THSD7B: variants seen among roughly 807,000 people sequenced by gnomAD.
The protein encoded by THSD7B is thrombospondin type-1 domain-containing protein 7B.
In THSD7B, 138 loss-of-function variants were observed where a neutral mutation model predicts 213.6. The observed-to-expected ratio is 0.65, with a 90% CI of 0.56 to 0.74. The LOEUF is 0.74. Ranked by LOEUF, THSD7B falls within the 30% of genes least tolerant of loss-of-function variation. THSD7B has a pLI of 0.00. For missense variants in THSD7B, 1,931 were observed against 1,991.5 expected (o/e 0.97, Z 0.58); for synonymous variants, 742 against 687.0 (o/e 1.08, Z -1.25).
At chr2:137,416,440 T>A (rs1686801059) in intron 14 of THSD7B, among the ~76,000 whole-genome samples, 1 of 152,222 alleles carries the variant, frequency 6.6e-6, no homozygotes, top group Admixed American at 6.5e-5. Flanking sequence ...TTTCTTCCGC[T>A]CTTGTGTTTT....
chr2:137,200,446 T>G (rs993683984), intron 7 of THSD7B, among the ~76,000 whole-genome samples: 2 of 151,962 alleles, frequency 1.3e-5, no homozygotes, highest in Admixed American at 1.3e-4. Context: ...TTTTTTTTAA[T>G]GAGTTTACAT....
chr2:137,524,943 C>G (rs1315363604), intron 15 of THSD7B, among the ~76,000 whole-genome samples: 1 of 152,098 alleles, frequency 6.6e-6, no homozygotes, highest in Non-Finnish European at 1.5e-5. Context: ...TATTCACTCT[C>G]TTTTTCATGT....
intron 2 of THSD7B, among the ~76,000 whole-genome samples, chr2:136,900,585 A>G (rs538396955): frequency 6.6e-6 from 1 of 152,204 alleles, no homozygotes; most frequent in African/African-American, 2.4e-5. Flanking sequence ...CCAAAAAGGG[A>G]TCTGTTTCCT....
chr2:137,482,416 A>C (rs928479693), intron 15 of THSD7B, among the ~76,000 whole-genome samples: 1 of 152,176 alleles, frequency 6.6e-6, no homozygotes, highest in African/African-American at 2.4e-5. Flanking sequence ...GACTTAATAA[A>C]ACTTCTAATA....
At chr2:137,312,117 C>T (rs571046485) in intron 12 of THSD7B, among the ~76,000 whole-genome samples, 1 of 151,648 alleles carries the variant, frequency 6.6e-6, no homozygotes, top group East Asian at 1.9e-4. Context: ...TAGAATTCGG[C>T]TGTGAATCCA....
chr2:136,810,133 AC>A (rs1682351321), intron 1 of THSD7B, among the ~76,000 whole-genome samples: 1 of 151,956 alleles, frequency 6.6e-6, no homozygotes, highest in Admixed American at 6.6e-5. Context: ...TGTGACAAAA[AC>A]CTTTCCCTTT....
At chr2:136,770,030 T>A (rs1187810147) in intron 1 of THSD7B, among the ~76,000 whole-genome samples, 1 of 152,222 alleles carries the variant, frequency 6.6e-6, no homozygotes, top group Non-Finnish European at 1.5e-5. Flanking sequence ...AAGAAACTCA[T>A]GGCCGTGTTC....
intron 17 of THSD7B, among the ~76,000 whole-genome samples, chr2:137,612,889 T>C (rs1253468115): frequency 6.6e-6 from 1 of 152,186 alleles, no homozygotes; most frequent in Non-Finnish European, 1.5e-5. Context: ...TTAACAAATA[T>C]ACAGTTAAAT....
chr2:137,411,861 G>A lies in THSD7B; in HGVS notation c.2948G>A (p.Cys983Tyr). 1 of 1,613,982 alleles carries A rather than the reference G, an allele frequency of 6.2e-7. No individual in the cohort carries two copies. The highest frequency in any genetic ancestry group is 1.3e-5 in the African/African-American group (1 of 75,058). The change falls in exon 14 of 28, where the codon TGC becomes TAC. Residue 983 changes from cysteine (C) to tyrosine (Y), a missense_variant. Physicochemically the swap from Cys to Tyr is radical, Grantham distance 194. Transcript: ENST00000409968. ...GGAAGACCTGTTGACCCCTCCTTCT[G>A]CAGCAGCTCTGGTAAGGAGATGGAT... Reference protein sequence around the residue: ...KNGRPVDPSFCSSSGYIQEKC... With the variant: ...KNGRPVDPSFYSSSGYIQEKC...
intron 2 of THSD7B, among the ~76,000 whole-genome samples, chr2:137,014,476 C>T (rs944433688): frequency 6.6e-6 from 1 of 152,234 alleles, no homozygotes; most frequent in Non-Finnish European, 1.5e-5. Flanking sequence ...CCAAGATCAA[C>T]TGTCCTTTGC....
chr2:137,569,938 A>G (rs1330026993), intron 16 of THSD7B, among the ~76,000 whole-genome samples: 2 of 151,908 alleles, frequency 1.3e-5, no homozygotes, highest in Non-Finnish European at 2.9e-5. Flanking sequence ...CTTCTTTTTC[A>G]GTGAAATAAT....
intron 14 of THSD7B, among the ~76,000 whole-genome samples, chr2:137,434,459 C>T (rs1368261180): frequency 1.3e-5 from 2 of 152,162 alleles, no homozygotes; most frequent in African/African-American, 4.8e-5. Flanking sequence ...GTGTTAACCC[C>T]GTATGGCACT....
At chr2:137,506,539 C>T (rs539872593) in intron 15 of THSD7B, among the ~76,000 whole-genome samples, 1 of 152,368 alleles carries the variant, frequency 6.6e-6, no homozygotes, top group East Asian at 1.9e-4. Context: ...TTCTGACTCT[C>T]AAACGCTGCT....
At chr2:137,389,076 C>G (rs1044234199) in intron 12 of THSD7B, among the ~76,000 whole-genome samples, 8 of 150,920 alleles carry the variant, frequency 5.3e-5, no homozygotes, top group African/African-American at 1.9e-4. Context: ...CTATTTTTAG[C>G]TTTTTGAGAA....
Position 137,473,547 on chromosome 2 carries a change from A to T in THSD7B, c.3138+22524A>T, listed in dbSNP as rs185504337. 2.9e-4 allele frequency among the ~76,000 whole-genome samples: 44 copies of T among 152,298 alleles called. 1 individual carries two copies. Among genetic ancestry groups the T allele is most frequent in the Admixed American group, 2.8e-3 (43 of 15,284 alleles). ...TGCAACTCAATCACACAAGTCCTTCATATCAAGAGAACTCTCAAACCTTAG... is the reference window on the plus strand; with the variant it reads ...TGCAACTCAATCACACAAGTCCTTCTTATCAAGAGAACTCTCAAACCTTAG... On this transcript the variant is annotated intron_variant, in intron 15 of 27. Coordinates refer to ENST00000409968, the MANE Select transcript of THSD7B (RefSeq NM_001316349.2).
chr2:137,184,816 G>A (rs1211808332), intron 7 of THSD7B, among the ~76,000 whole-genome samples: 1 of 152,106 alleles, frequency 6.6e-6, no homozygotes, highest in Non-Finnish European at 1.5e-5. Context: ...CTATTCTTAA[G>A]GCATAGATGG....
intron 12 of THSD7B, among the ~76,000 whole-genome samples, chr2:137,397,241 T>C (rs997861076): frequency 2.6e-5 from 4 of 152,152 alleles, no homozygotes; most frequent in African/African-American, 9.7e-5. Flanking sequence ...TGTTAGTTGA[T>C]GCAGTTTCTT....
chr2:136,990,145 TCAG>T (rs1279872471), intron 2 of THSD7B, among the ~76,000 whole-genome samples: 1 of 152,214 alleles, frequency 6.6e-6, no homozygotes, highest in African/African-American at 2.4e-5. Flanking sequence ...AAAAGGGAAA[TCAG>T]CGACATTTCT....
At chr2:137,312,026 G>A (rs1028519610) in intron 12 of THSD7B, among the ~76,000 whole-genome samples, 7 of 148,866 alleles carry the variant, frequency 4.7e-5, no homozygotes, top group South Asian at 4.3e-4. Flanking sequence ...CTCATAAAAT[G>A]AGTTAGGGAG....
Sources: gnomAD v4.1 joint callset for allele counts (sites outside exome capture counted in the v4.1 genomes callset) on GRCh38, gnomAD v4.1.1 for gene constraint, MANE v1.5 for transcripts, NCBI Gene and HGNC (gene_info 2026-07-23, HGNC 2026-07-21) for gene names.